Variants in KIRREL3 observed in about 807,000 individuals in gnomAD.
KIRREL3 encodes the protein kirre like nephrin family adhesion molecule 3.
In KIRREL3, 36 loss-of-function variants were observed where a neutral mutation model predicts 89.7. That is an observed-to-expected ratio of 0.40 (90% CI 0.31 to 0.53). KIRREL3 has a LOEUF of 0.53. KIRREL3 is among the 20% of genes least tolerant of loss of function. KIRREL3 has a pLI of 0.49. For synonymous variants in KIRREL3, 445 were observed against 441.4 expected (o/e 1.01, Z -0.10); for missense variants, 864 against 1,056.6 (o/e 0.82, Z 2.53).
rs535060464 is a variant in KIRREL3, at chr11:126,628,931, C to T, written c.56-66019G>A. ...CAGCCCAGCAGAGGCACCAAACCCA[C>T]GCAATTTGTAAATCTTTGATAATGA... is the stretch of plus-strand genomic sequence containing the variant. On this transcript the variant is annotated intron_variant, in intron 1 of 16. Transcript: ENST00000525144. The surrounding 1 kb of genome is among the most constrained non-coding windows in gnomAD (Gnocchi z 5.2). Among the ~76,000 whole-genome samples the T allele has an allele frequency of 3.3e-5, 5 of 152,330 alleles. No individual in the cohort carries two copies. Among genetic ancestry groups the T allele is most frequent in the East Asian group, 1.9e-4 (1 of 5,190 alleles).
chr11:126,649,034 T>A (rs974671836), intron 1 of KIRREL3, among the ~76,000 whole-genome samples: 2 of 152,128 alleles, frequency 1.3e-5, no homozygotes, highest in Non-Finnish European at 2.9e-5. Context: ...GAAAGGCACT[T>A]CTTAAATGGA....
chr11:126,984,585 T>G (rs1266707931), intron 1 of KIRREL3, among the ~76,000 whole-genome samples: 11 of 152,220 alleles, frequency 7.2e-5, no homozygotes. Context: ...TATTATGTTC[T>G]CTTTGTTATG....
Position 126,976,645 on chromosome 11 carries a change from T to C in KIRREL3, c.55+23810A>G, listed in dbSNP as rs1949584600. 6.6e-6 allele frequency among the ~76,000 whole-genome samples: 1 copy of C among 152,228 alleles called. No homozygotes were observed. Among genetic ancestry groups the C allele is most frequent in the Admixed American group, 6.5e-5 (1 of 15,272 alleles). On this transcript the variant is annotated intron_variant, in intron 1 of 16. Transcript: ENST00000525144. The surrounding 1 kb of genome is among the most constrained non-coding windows in gnomAD (Gnocchi z 4.2). Reference sequence around the variant, plus strand: ...AATCAGATTTGTTTTAAACATACCATAAGCATCATCATTATTATAGTGATA... The same window carrying C: ...AATCAGATTTGTTTTAAACATACCACAAGCATCATCATTATTATAGTGATA...
At position 126,528,513 on chromosome 11, in the gene KIRREL3, G is replaced by C. The variant is rs1354184405; in HGVS notation, c.134-1826C>G. On this transcript the variant is annotated intron_variant, in intron 2 of 16. Coordinates refer to ENST00000525144, the MANE Select transcript of KIRREL3 (RefSeq NM_032531.4). The surrounding 1 kb of genome is among the most constrained non-coding windows in gnomAD (Gnocchi z 4.6). ...TCACAACCTGACAAGATCTTGGCAG[G>C]GTCTCCGAGGAGTCTCATTAAAAAT... 6.6e-6 allele frequency among the ~76,000 whole-genome samples: 1 copy of C among 152,114 alleles called. No individual in the cohort carries two copies. The highest frequency in any genetic ancestry group is 1.5e-5 in the Non-Finnish European group (1 of 68,022).
chr11:126,626,210 T>TCAG (rs1201664423), intron 1 of KIRREL3, among the ~76,000 whole-genome samples: 1 of 152,228 alleles, frequency 6.6e-6, no homozygotes, highest in African/African-American at 2.4e-5. Context: ...GTCCTTCAAC[T>TCAG]CAGCAGCATG....
In KIRREL3 at chr11:126,707,835, CTT is replaced by C. The variant is rs11383510; in HGVS notation, c.56-144925_56-144924del. On this transcript the variant is annotated intron_variant, in intron 1 of 16. Coordinates refer to ENST00000525144, the MANE Select transcript of KIRREL3 (RefSeq NM_032531.4). ...GCTTCCTCTTGGTCCTTGTGATGAG[CTT>C]TTTTTTTTTTGGCTTTCCTAGGAAT... is the stretch of plus-strand genomic sequence containing the variant. 1.1e-3 allele frequency among the ~76,000 whole-genome samples: 161 copies of C among 147,534 alleles called. 2 individuals carry two copies. The South Asian group carries it at 0.025, about 23-fold the overall frequency.
rs75745298 is a variant in KIRREL3, at chr11:126,426,409, G to A, written c.1807-685C>T. On this transcript the variant is annotated intron_variant, in intron 15 of 16. Coordinates refer to ENST00000525144, the MANE Select transcript of KIRREL3 (RefSeq NM_032531.4). ...CTGGTTCAGTGCTTTGCATGTTGTG[G>A]TCACTGACCTTGCCTGCTTTTGGGA... Among the ~76,000 whole-genome samples the A allele has an allele frequency of 4.5e-3, 692 of 152,294 alleles. 5 individuals are homozygous for A. Among genetic ancestry groups the A allele is most frequent in the African/African-American group, 0.011 (454 of 41,568 alleles).
At chr11:126,962,507 T>A (rs555289973) in intron 1 of KIRREL3, among the ~76,000 whole-genome samples, 2 of 152,050 alleles carry the variant, frequency 1.3e-5, no homozygotes, top group Non-Finnish European at 2.9e-5. Context: ...GGATGAGGAG[T>A]TGCTTCTCAT....
chr11:126,497,291 A>T (rs992517715), intron 4 of KIRREL3, among the ~76,000 whole-genome samples: 6 of 150,948 alleles, frequency 4.0e-5, no homozygotes, highest in Non-Finnish European at 8.9e-5. Context: ...TGTGTGTGTG[A>T]GAGAGAGAGA....
intron 1 of KIRREL3, among the ~76,000 whole-genome samples, chr11:126,945,881 G>A (rs759978231): frequency 3.6e-4 from 55 of 152,134 alleles, no homozygotes; most frequent in Non-Finnish European, 2.5e-4. Flanking sequence ...CATCACTTGA[G>A]GCCTATTAAG....
chr11:126,440,691 C>A, intron 10 of KIRREL3, 142 bp from the exon 11 acceptor site: 1 of 756,960 alleles, frequency 1.3e-6, no homozygotes, highest in South Asian at 1.5e-5. Flanking sequence ...AGGTAAAGTG[C>A]AAGGTAGAGG....
At chr11:126,971,115 T>A (rs886843203) in intron 1 of KIRREL3, among the ~76,000 whole-genome samples, 3 of 152,214 alleles carry the variant, frequency 2.0e-5, no homozygotes, top group Non-Finnish European at 4.4e-5. Flanking sequence ...CTTATTTAGG[T>A]GGTTTTTGAC....
rs147893893 is a variant in KIRREL3 at position 126,462,619 on chromosome 11, T to C, written c.742+538A>G. Among the ~76,000 whole-genome samples, 338 of 152,228 alleles carry C rather than the reference T, an allele frequency of 2.2e-3. 2 individuals are homozygous for C. Among genetic ancestry groups the C allele is most frequent in the African/African-American group, 7.9e-3 (326 of 41,506 alleles). ...CAGCAGAGGTTGCAGTGAGCCGAGA[T>C]TGCGTCATTACACTCCAGCCTGGGC... On this transcript the variant is annotated intron_variant, in intron 6 of 16. Coordinates refer to ENST00000525144, the MANE Select transcript of KIRREL3 (RefSeq NM_032531.4). The surrounding 1 kb of genome is among the most constrained non-coding windows in gnomAD (Gnocchi z 4.8).
At chr11:126,603,635 C>T (rs375755513) in intron 1 of KIRREL3, among the ~76,000 whole-genome samples, 2 of 152,378 alleles carry the variant, frequency 1.3e-5, no homozygotes, top group Non-Finnish European at 2.9e-5. Flanking sequence ...GCTGGAGCCA[C>T]GCCTCAGTGC....
At position 126,656,294 on chromosome 11, in the gene KIRREL3, G is replaced by T; in HGVS notation, c.56-93382C>A. The T allele has an allele frequency of 3.0e-6, 1 of 334,566 alleles. No homozygotes were observed. The highest frequency in any genetic ancestry group is 6.1e-6 in the Non-Finnish European group (1 of 163,496). 20.7% of individuals were successfully genotyped at this position (334,566 alleles called of 1,614,324 possible). On this transcript the variant is annotated intron_variant, in intron 1 of 16. Transcript: ENST00000525144. This position sits in a 1 kb window ranked among gnomAD's most constrained non-coding sequence, Gnocchi z 4.0. ...TCTTAACCATAACCTCCATGATTCA[G>T]TTTCTTCATTTGCAAAATAATTTAA...
rs1386610348 is a variant in KIRREL3, at chr11:126,780,642, C to G, written c.56-217730G>C. 1.3e-5 allele frequency among the ~76,000 whole-genome samples: 2 copies of G among 152,138 alleles called. No individual in the cohort carries two copies. Among genetic ancestry groups the G allele is most frequent in the Non-Finnish European group, 2.9e-5 (2 of 68,022 alleles). On this transcript the variant is annotated intron_variant, in intron 1 of 16. Coordinates refer to ENST00000525144, the MANE Select transcript of KIRREL3 (RefSeq NM_032531.4). This position sits in a 1 kb window ranked among gnomAD's most constrained non-coding sequence, Gnocchi z 5.3. ...CGAGTACCCAGAGGTGCCCAGATGC[C>G]CACATCTGGCAACAGATCCATCTCC...
chr11:126,753,500 A>G (rs1949402605), intron 1 of KIRREL3, among the ~76,000 whole-genome samples: 1 of 152,246 alleles, frequency 6.6e-6, no homozygotes, highest in African/African-American at 2.4e-5. Flanking sequence ...TTAAAATAAA[A>G]TGAAATAAAA....
At chr11:126,619,241 G>A (rs1187721792) in intron 1 of KIRREL3, among the ~76,000 whole-genome samples, 1 of 152,190 alleles carries the variant, frequency 6.6e-6, no homozygotes, top group African/African-American at 2.4e-5. Flanking sequence ...TAAGGCAGAG[G>A]AAACAGGAGA....
At chr11:126,711,485 C>T (rs1054650881) in intron 1 of KIRREL3, among the ~76,000 whole-genome samples, 1 of 152,112 alleles carries the variant, frequency 6.6e-6, no homozygotes, top group African/African-American at 2.4e-5. Context: ...TCACTTGAAC[C>T]CAGGAGGCAG....
Sources: gnomAD v4.1 joint callset for allele counts (sites outside exome capture counted in the v4.1 genomes callset) on GRCh38, gnomAD v4.1.1 for gene constraint, Gnocchi (gnomAD v3.1) non-coding constraint, MANE v1.5 for transcripts, NCBI Gene and HGNC (gene_info 2026-07-23, HGNC 2026-07-21) for gene names.